The following TARS3 variants were observed in gnomAD, a reference collection of about 807,000 sequenced individuals.
TARS3 encodes the protein threonyl-tRNA synthetase 3, also known as threonine--tRNA ligase 2, cytoplasmic.
TARS3 carries 94 observed loss-of-function variants against 103.5 expected under a neutral mutation model. The ratio of observed to expected loss-of-function variants is 0.91; its 90% CI spans 0.77 to 1.08. The LOEUF is 1.08. Among genes scored for constraint, TARS3 ranks in the 50% least tolerant of loss-of-function variants. The probability of loss-of-function intolerance (pLI) is 0.00; values close to 1 mark genes in which losing one functional copy is unlikely to be tolerated. For missense variants in TARS3, 952 were observed against 995.2 expected (o/e 0.96, Z 0.58); for synonymous variants, 416 against 355.4 (o/e 1.17, Z -1.92).
intron 10 of TARS3, chr15:101,695,691 T>C (rs943878420): frequency 6.6e-6 from 1 of 151,542 alleles, no homozygotes; most frequent in Non-Finnish European, 1.5e-5. Context: ...TCACCTGAGG[T>C]TGGGAGTTTG....
chr15:101,684,020 CG>C (rs1898360606), intron 12 of TARS3, 54 bp downstream of exon 12: 1 of 1,528,958 alleles, frequency 6.5e-7, no homozygotes, highest in Admixed American at 1.8e-5. Context: ...AAGATGTGTG[CG>C]GGGCATCACA....
At chr15:101,673,795 C>G (rs1224226670) in intron 13 of TARS3, among the ~76,000 whole-genome samples, 1 of 152,198 alleles carries the variant, frequency 6.6e-6, no homozygotes. Flanking sequence ...GGAGAAGGCC[C>G]TCCTTAGAGC....
chr15:101,720,503 T>C (rs1900394436), intron 3 of TARS3, among the ~76,000 whole-genome samples: 2 of 152,216 alleles, frequency 1.3e-5, no homozygotes, highest in Non-Finnish European at 2.9e-5. Flanking sequence ...CAGTGTAAAA[T>C]GGCCTATCAA....
At position 101,671,663 on chromosome 15, in the gene TARS3, C is replaced by T. The variant is rs368614653; in HGVS notation, c.1866+8G>A. The stretch of plus-strand genomic sequence containing the variant: ...ATTTTGCTGTTTTGAAGCATGTGGT[C>T]GACTCACTTTAGGGCCATAAAATGC... On this transcript the variant is annotated splice_region_variant and intron_variant, in intron 14 of 18. Coordinates refer to ENST00000335968, the MANE Select transcript of TARS3 (RefSeq NM_152334.3). 2.4e-5 allele frequency: 39 copies of T among 1,613,602 alleles called. 1 individual carries two copies. The South Asian group carries it at 3.2e-4, about 13-fold the overall frequency.
intron 13 of TARS3, among the ~76,000 whole-genome samples, chr15:101,673,045 C>T (rs1251329681): frequency 1.3e-5 from 2 of 152,160 alleles, no homozygotes; most frequent in African/African-American, 4.8e-5. Flanking sequence ...GCCGAGAGAG[C>T]ATCGGATACA....
intron 16 of TARS3, among the ~76,000 whole-genome samples, chr15:101,658,066 T>C (rs1349353381): frequency 2.0e-5 from 3 of 152,118 alleles, no homozygotes; most frequent in Non-Finnish European, 4.4e-5. Flanking sequence ...CAAGTGCAGG[T>C]AGAATGAGCT....
intron 2 of TARS3, 91 bp downstream of exon 2, chr15:101,723,002 A>C: frequency 1.7e-6 from 2 of 1,203,712 alleles, no homozygotes; most frequent in Non-Finnish European, 2.4e-6. Flanking sequence ...TTTAATCAGT[A>C]ATTTTTATTG....
intron 7 of TARS3, among the ~76,000 whole-genome samples, chr15:101,704,969 T>C (rs937363724): frequency 5.9e-5 from 9 of 152,052 alleles, no homozygotes; most frequent in East Asian, 3.9e-4. Context: ...GTAAGTACCA[T>C]GAGGGAGAAT....
chr15:101,661,701 A>C lies in TARS3; in HGVS notation c.2072+11T>G, dbSNP rs538954445. On this transcript the variant is annotated intron_variant, in intron 16 of 18. Transcript: ENST00000335968. ...AATAGACATATAGTTTTTCTTTTCC[A>C]TATCACTTACCATTTTCCGCCATAG... 1 of 1,535,192 alleles carries C rather than the reference A, an allele frequency of 6.5e-7. No individual in the cohort carries two copies. Among genetic ancestry groups the C allele is most frequent in the Non-Finnish European group, 9.0e-7 (1 of 1,115,048 alleles).
At chr15:101,656,003 CAGAA>C in intron 18 of TARS3, 1 of 1,289,204 alleles carries the variant, frequency 7.8e-7, no homozygotes, top group Non-Finnish European at 1.0e-6. Flanking sequence ...TCTTGCCACA[CAGAA>C]GGAAGAAACC....
intron 13 of TARS3, among the ~76,000 whole-genome samples, chr15:101,673,874 G>T (rs905099254): frequency 1.3e-5 from 2 of 152,094 alleles, no homozygotes; most frequent in Non-Finnish European, 2.9e-5. Flanking sequence ...AAAAATAATT[G>T]TTATACTATT....
At chr15:101,706,595 C>A (rs923728304) in intron 6 of TARS3, among the ~76,000 whole-genome samples, 3 of 152,070 alleles carry the variant, frequency 2.0e-5, no homozygotes, top group Non-Finnish European at 4.4e-5. Context: ...CAATAAAATT[C>A]TGACAAGGAC....
chr15:101,701,431 A>C (rs537941083), intron 9 of TARS3, among the ~76,000 whole-genome samples: 7 of 152,206 alleles, frequency 4.6e-5, no homozygotes, highest in Non-Finnish European at 7.3e-5. Context: ...TACTTGGCAC[A>C]CTTGGAGTAC....
chr15:101,709,884 T>C (rs1324427305), intron 5 of TARS3, among the ~76,000 whole-genome samples: 4 of 151,872 alleles, frequency 2.6e-5, no homozygotes, highest in African/African-American at 9.7e-5. Flanking sequence ...TGGCACAGGG[T>C]TTTTAAAATC....
intron 3 of TARS3, among the ~76,000 whole-genome samples, chr15:101,720,178 T>C (rs1415180376): frequency 6.6e-6 from 1 of 152,244 alleles, no homozygotes; most frequent in Non-Finnish European, 1.5e-5. Context: ...ATCTTAGCCA[T>C]AGTTTTCAAA....
chr15:101,688,142 G>A (rs1255458754), intron 10 of TARS3, among the ~76,000 whole-genome samples: 2 of 151,974 alleles, frequency 1.3e-5, no homozygotes, highest in Non-Finnish European at 2.9e-5. Context: ...TCTCCATATT[G>A]TAATATACAT....
At position 101,685,893 on chromosome 15, in the gene TARS3, C is replaced by A. The variant is rs778266126; in HGVS notation, c.1487+3G>T. The A allele has an allele frequency of 6.2e-7, 1 of 1,612,386 alleles. No homozygotes were observed. The highest frequency in any genetic ancestry group is 1.1e-5 in the South Asian group (1 of 90,814). On this transcript the variant is annotated splice_donor_region_variant and intron_variant, in intron 11 of 18. Coordinates refer to ENST00000335968, the MANE Select transcript of TARS3 (RefSeq NM_152334.3). ...AAAGGTCTGCTTCGCTTTTAATACT[C>A]ACCAGTGCCCTGGACAATTCATGGG...
At chr15:101,680,527 G>C (rs963557609) in intron 12 of TARS3, among the ~76,000 whole-genome samples, 1 of 152,148 alleles carries the variant, frequency 6.6e-6, no homozygotes, top group Non-Finnish European at 1.5e-5. Flanking sequence ...ACACCTTTCA[G>C]AGTCTCGTGT....
intron 15 of TARS3, among the ~76,000 whole-genome samples, chr15:101,667,903 G>T (rs1897645153): frequency 6.6e-6 from 1 of 152,138 alleles, no homozygotes; most frequent in South Asian, 2.1e-4. Flanking sequence ...CCTGGAGATG[G>T]TTCTTTTAAC....
Sources: allele counts gnomAD v4.1 joint callset (sites outside exome capture counted in the v4.1 genomes callset), GRCh38; gene constraint gnomAD v4.1.1; transcripts MANE v1.5; gene names NCBI Gene and HGNC (gene_info 2026-07-23, HGNC 2026-07-21).